PLCXD3: variants seen among roughly 807,000 people sequenced by gnomAD.
PLCXD3 encodes the protein phosphatidylinositol specific phospholipase C X domain containing 3.
PLCXD3 carries 19 observed loss-of-function variants against 25.5 expected under a neutral mutation model. The observed-to-expected ratio is 0.75, with a 90% confidence interval of 0.52 to 1.09. PLCXD3 has a LOEUF of 1.09. Ranked by LOEUF, PLCXD3 falls within the 50% of genes least tolerant of loss-of-function variation. PLCXD3 has a pLI of 0.00. For synonymous variants in PLCXD3, 174 were observed against 137.6 expected (o/e 1.26, Z -1.85); for missense variants, 411 against 388.1 (o/e 1.06, Z -0.50).
At chr5:41,434,309 A>G (rs1307529711) in intron 1 of PLCXD3, among the ~76,000 whole-genome samples, 1 of 152,222 alleles carries the variant, frequency 6.6e-6, no homozygotes, top group African/African-American at 2.4e-5. Flanking sequence ...TGAGTGCTAG[A>G]TACTGTACTA....
chr5:41,388,218 C>G (rs1745699505), intron 1 of PLCXD3, among the ~76,000 whole-genome samples: 1 of 151,866 alleles, frequency 6.6e-6, no homozygotes, highest in Admixed American at 6.6e-5. Flanking sequence ...AACCTTATAC[C>G]AAATAGCATT....
chr5:41,448,266 C>A (rs1464903493), intron 1 of PLCXD3, among the ~76,000 whole-genome samples: 1 of 152,174 alleles, frequency 6.6e-6, no homozygotes, highest in Non-Finnish European at 1.5e-5. Context: ...CAGTTGACTT[C>A]AGCATGCTGA....
chr5:41,366,675 C>G (rs543763760), intron 2 of PLCXD3, among the ~76,000 whole-genome samples: 4 of 152,296 alleles, frequency 2.6e-5, no homozygotes, highest in Admixed American at 2.0e-4. Flanking sequence ...CTTTTAAGTT[C>G]AGGGCTCCAT....
intron 2 of PLCXD3, among the ~76,000 whole-genome samples, chr5:41,374,233 AC>A (rs1745212258): frequency 6.6e-6 from 1 of 152,104 alleles, no homozygotes; most frequent in Non-Finnish European, 1.5e-5. Context: ...AGAATGAAAC[AC>A]TTTGAGCCAC....
At chr5:41,435,696 C>T (rs571104095) in intron 1 of PLCXD3, among the ~76,000 whole-genome samples, 6 of 152,126 alleles carry the variant, frequency 3.9e-5, no homozygotes, top group African/African-American at 1.2e-4. Flanking sequence ...TCTGAGGAAA[C>T]CTAATAGGCA....
At chr5:41,315,699 C>G (rs923955397) in intron 2 of PLCXD3, among the ~76,000 whole-genome samples, 3 of 152,218 alleles carry the variant, frequency 2.0e-5, no homozygotes, top group African/African-American at 7.2e-5. Flanking sequence ...CCCTCTCAAC[C>G]TCCACCAGCA....
intron 2 of PLCXD3, among the ~76,000 whole-genome samples, chr5:41,314,612 G>A (rs546942346): frequency 7.0e-4 from 106 of 152,316 alleles, no homozygotes; most frequent in African/African-American, 2.5e-3. Context: ...GTTTGAAGGA[G>A]ACAAGGGAGT....
intron 2 of PLCXD3, among the ~76,000 whole-genome samples, chr5:41,363,153 G>A (rs916328655): frequency 4.6e-5 from 7 of 152,088 alleles, no homozygotes; most frequent in African/African-American, 9.7e-5. Context: ...ACATGGCAGC[G>A]CTGGGTTGAA....
chr5:41,478,627 A>G (rs1012624048), intron 1 of PLCXD3, among the ~76,000 whole-genome samples: 16 of 152,238 alleles, frequency 1.1e-4, no homozygotes, highest in African/African-American at 3.9e-4. Context: ...TGTTTTAAGA[A>G]TGATTACAAT....
chr5:41,439,584 T>C (rs1430290678), intron 1 of PLCXD3, among the ~76,000 whole-genome samples: 1 of 152,022 alleles, frequency 6.6e-6, no homozygotes, highest in Non-Finnish European at 1.5e-5. Flanking sequence ...GTTCTAAGAG[T>C]TGCAAAGCCC....
At chr5:41,465,300 A>G (rs965673438) in intron 1 of PLCXD3, among the ~76,000 whole-genome samples, 1 of 138,900 alleles carries the variant, frequency 7.2e-6, no homozygotes, top group Non-Finnish European at 1.5e-5. Context: ...CAGCTTAGGA[A>G]TATCACTCTA....
At chr5:41,493,518 C>T (rs893956950) in intron 1 of PLCXD3, among the ~76,000 whole-genome samples, 1 of 152,162 alleles carries the variant, frequency 6.6e-6, no homozygotes, top group African/African-American at 2.4e-5. Context: ...TTTTGTTTGT[C>T]TGTGCCTTGC....
At chr5:41,451,907 C>T (rs1391420792) in intron 1 of PLCXD3, among the ~76,000 whole-genome samples, 2 of 151,890 alleles carry the variant, frequency 1.3e-5, no homozygotes, top group Non-Finnish European at 2.9e-5. Context: ...CCTACTTGAC[C>T]CTTGGAGTGT....
intron 1 of PLCXD3, among the ~76,000 whole-genome samples, chr5:41,433,585 A>G (rs776947326): frequency 8.5e-5 from 13 of 152,170 alleles, no homozygotes; most frequent in Non-Finnish European, 1.5e-4. Context: ...AGATTTTTCC[A>G]TGTTTGCTCA....
chr5:41,447,275 T>C (rs1455242081), intron 1 of PLCXD3, among the ~76,000 whole-genome samples: 1 of 152,164 alleles, frequency 6.6e-6, no homozygotes, highest in Non-Finnish European at 1.5e-5. Flanking sequence ...AAAGAGGTGG[T>C]TGTTAGCCAG....
chr5:41,332,983 T>C (rs1396708343), intron 2 of PLCXD3, among the ~76,000 whole-genome samples: 1 of 152,102 alleles, frequency 6.6e-6, no homozygotes, highest in African/African-American at 2.4e-5. Context: ...TTAGGAGATA[T>C]ACCTAATGCT....
intron 1 of PLCXD3, among the ~76,000 whole-genome samples, chr5:41,500,450 T>A (rs752749449): frequency 3.4e-4 from 51 of 151,848 alleles, no homozygotes; most frequent in Non-Finnish European, 6.5e-4. Context: ...AAGGGAGAGA[T>A]AATGAGAAAT....
chr5:41,340,372 A>T (rs1744105317), intron 2 of PLCXD3, among the ~76,000 whole-genome samples: 2 of 152,204 alleles, frequency 1.3e-5, no homozygotes, highest in South Asian at 4.1e-4. Flanking sequence ...TAGTTTCATC[A>T]ATTAACTAAA....
chr5:41,425,456 G>A (rs992969190), intron 1 of PLCXD3, among the ~76,000 whole-genome samples: 1 of 152,142 alleles, frequency 6.6e-6, no homozygotes, highest in Admixed American at 6.5e-5. Flanking sequence ...TTTGTTACAA[G>A]TGATGAACCT....
Sources: gnomAD v4.1 joint callset for allele counts (sites outside exome capture counted in the v4.1 genomes callset) on GRCh38, gnomAD v4.1.1 for gene constraint, MANE v1.5 for transcripts, NCBI Gene and HGNC (gene_info 2026-07-23, HGNC 2026-07-21) for gene names.